EBF2: variants seen among roughly 807,000 people sequenced by gnomAD.
EBF2 encodes transcription factor COE2.
EBF2 carries 21 observed loss-of-function variants against 72.8 expected under a neutral mutation model. The ratio of observed to expected loss-of-function variants is 0.29; its 90% confidence interval spans 0.20 to 0.42. EBF2 has a LOEUF of 0.42. Ranked by LOEUF, EBF2 falls within the 10% of genes least tolerant of loss-of-function variation. The pLI is 1.00. For missense variants in EBF2, 637 were observed against 731.2 expected, an observed-to-expected ratio of 0.87 and a Z score of 1.49; for synonymous variants, 299 against 274.2, an observed-to-expected ratio of 1.09 and a Z score of -0.89.
At chr8:25,969,131 C>T (rs567557406) in intron 6 of EBF2, among the ~76,000 whole-genome samples, 3 of 152,248 alleles carry the variant, frequency 2.0e-5, no homozygotes, top group African/African-American at 4.8e-5. Flanking sequence ...ATTGGAGACA[C>T]CTTTTCTTAA....
intron 7 of EBF2, 25 bp from the exon 8 acceptor site, chr8:25,889,894 A>C: frequency 6.3e-7 from 1 of 1,593,828 alleles, no homozygotes; most frequent in Non-Finnish European, 8.6e-7. Context: ...TAAAAAGGAG[A>C]AAGGGGGTGC....
At chr8:25,914,238 C>G (rs1338661079) in intron 6 of EBF2, among the ~76,000 whole-genome samples, 2 of 152,186 alleles carry the variant, frequency 1.3e-5, no homozygotes, top group African/African-American at 4.8e-5. Context: ...CACTTGAGAC[C>G]AGAGAAAATC....
At position 26,044,609 on chromosome 8, in the gene EBF2, T is replaced by A; in HGVS notation, c.131+120A>T. 9 of 1,438,104 alleles carry A rather than the reference T, an allele frequency of 6.3e-6. No individual in the cohort carries two copies. The highest frequency in any genetic ancestry group is 8.5e-6 in the Non-Finnish European group (9 of 1,063,974). 89.1% of individuals were successfully genotyped at this position (1,438,104 alleles called of 1,614,324 possible). A position where few individuals can be genotyped will look rare whatever the true frequency, so the allele number is the denominator to read the frequency against. On this transcript the variant is annotated intron_variant, in intron 1 of 15. Coordinates refer to ENST00000520164, the MANE Select transcript of EBF2 (RefSeq NM_022659.4). The surrounding 1 kb of genome is among the most constrained non-coding windows in gnomAD (Gnocchi z 4.1). ...AGGGCGAGCCCCAGCGCGCAGGGCC[T>A]GGGCGACAGATGGGGGGACAGGGAG... is the stretch of plus-strand genomic sequence containing the variant.
intron 7 of EBF2, among the ~76,000 whole-genome samples, chr8:25,895,433 G>T (rs1275885536): frequency 6.6e-6 from 1 of 152,128 alleles, no homozygotes; most frequent in Non-Finnish European, 1.5e-5. Context: ...GACGGTGGTA[G>T]GTTCCATTTT....
intron 6 of EBF2, among the ~76,000 whole-genome samples, chr8:26,007,178 T>C (rs1804896189): frequency 6.6e-6 from 1 of 152,196 alleles, no homozygotes; most frequent in African/African-American, 2.4e-5. Context: ...TGCGATCTGA[T>C]CATTTCCATC....
At chr8:25,846,306 C>T (rs1004460097) in intron 15 of EBF2, among the ~76,000 whole-genome samples, 16 of 152,050 alleles carry the variant, frequency 1.1e-4, no homozygotes, top group Admixed American at 3.3e-4. Context: ...TCTCAACAAT[C>T]TATACTCATC....
intron 7 of EBF2, among the ~76,000 whole-genome samples, chr8:25,899,397 C>G (rs1207001479): frequency 6.6e-6 from 1 of 152,106 alleles, no homozygotes; most frequent in Non-Finnish European, 1.5e-5. Context: ...CTCAGTAGCA[C>G]TCCGGATTTC....
intron 6 of EBF2, among the ~76,000 whole-genome samples, chr8:25,990,111 G>A (rs968472758): frequency 6.6e-6 from 1 of 151,790 alleles, no homozygotes. Context: ...TGAAACTCCA[G>A]TTTTACACAG....
Position 25,844,573 on chromosome 8 carries a change from G to C in EBF2, c.*36C>G, listed in dbSNP as rs1801794400. ...CTTTCTTCATTATTGGTCCATCAGAGTAAGTAGTTTTGTGCTATAAGAAAG... is the reference window on the plus strand; with the variant it reads ...CTTTCTTCATTATTGGTCCATCAGACTAAGTAGTTTTGTGCTATAAGAAAG... On this transcript the variant is annotated 3_prime_UTR_variant, in exon 16 of 16. Transcript: ENST00000520164. The C allele has an allele frequency of 6.2e-7, 1 of 1,612,326 alleles. No individual in the cohort carries two copies. The highest frequency in any genetic ancestry group is 8.5e-7 in the Non-Finnish European group (1 of 1,178,414).
intron 2 of EBF2, 132 bp downstream of exon 2, chr8:26,041,963 G>T: frequency 7.5e-7 from 1 of 1,333,762 alleles, no homozygotes; most frequent in Non-Finnish European, 1.0e-6. Context: ...AGAGGCTGGG[G>T]GTGAGTAGCC....
At chr8:25,897,172 T>G (rs1156450419) in intron 7 of EBF2, among the ~76,000 whole-genome samples, 1 of 152,050 alleles carries the variant, frequency 6.6e-6, no homozygotes, top group Non-Finnish European at 1.5e-5. Context: ...GAGAAGGGAC[T>G]GGGCATCAAT....
intron 7 of EBF2, among the ~76,000 whole-genome samples, chr8:25,905,982 G>C (rs1289230631): frequency 6.6e-6 from 1 of 152,096 alleles, no homozygotes; most frequent in African/African-American, 2.4e-5. Flanking sequence ...CATAGGATGA[G>C]AATTCTATAT....
intron 6 of EBF2, among the ~76,000 whole-genome samples, chr8:25,994,423 A>T (rs993199237): frequency 2.0e-5 from 3 of 152,226 alleles, no homozygotes; most frequent in Non-Finnish European, 2.9e-5. Flanking sequence ...ACTTCTTGAA[A>T]ACAATTTAAT....
chr8:25,870,806 T>TTTATGTTG (rs1305493625), intron 10 of EBF2, among the ~76,000 whole-genome samples: 3 of 151,984 alleles, frequency 2.0e-5, no homozygotes, highest in African/African-American at 7.3e-5. Flanking sequence ...ATTGTCTATT[T>TTTATGTTG]TTATGTTGTT....
chr8:25,955,915 G>A (rs1372720768), intron 6 of EBF2, among the ~76,000 whole-genome samples: 1 of 152,170 alleles, frequency 6.6e-6, no homozygotes, highest in African/African-American at 2.4e-5. Flanking sequence ...TGAGGTGTTA[G>A]TCAGGTACAG....
intron 7 of EBF2, among the ~76,000 whole-genome samples, chr8:25,900,598 G>C (rs1802935881): frequency 6.6e-6 from 1 of 152,132 alleles, no homozygotes. Flanking sequence ...GATTATTCTG[G>C]TGGACCTAAT....
chr8:26,001,812 G>C (rs747702162), intron 6 of EBF2, among the ~76,000 whole-genome samples: 1 of 152,042 alleles, frequency 6.6e-6, no homozygotes, highest in African/African-American at 2.4e-5. Context: ...GCCTCCCAAA[G>C]TGCTAGGATT....
Position 25,982,496 on chromosome 8 carries a change from G to A in EBF2, c.551+50589C>T, listed in dbSNP as rs543731470. ...AGTAAGTGGTCATGGGGAGTGAAAG[G>A]TGAAACTCAGATCATTCCCAGGGGA... On this transcript the variant is annotated intron_variant, in intron 6 of 15. Transcript: ENST00000520164. Among the ~76,000 whole-genome samples, 4 of 152,334 alleles carry A rather than the reference G, an allele frequency of 2.6e-5. No homozygotes were observed. In the South Asian group the frequency reaches 8.3e-4, roughly 32 times the overall value.
intron 6 of EBF2, among the ~76,000 whole-genome samples, chr8:25,957,860 G>C (rs1200757035): frequency 1.3e-5 from 2 of 152,170 alleles, no homozygotes; most frequent in Non-Finnish European, 2.9e-5. Context: ...ATTTCAGCCT[G>C]TTAGTTACCA....
Sources: allele counts gnomAD v4.1 joint callset (sites outside exome capture counted in the v4.1 genomes callset), GRCh38; gene constraint gnomAD v4.1.1; non-coding constraint Gnocchi (gnomAD v3.1); transcripts MANE v1.5; gene names NCBI Gene and HGNC (gene_info 2026-07-23, HGNC 2026-07-21).